The following NRXN3 variants were observed in gnomAD, a reference collection of about 807,000 sequenced individuals.
NRXN3 encodes neurexin III.
Under a neutral mutation model 137.6 loss-of-function variants are expected in NRXN3, and 32 were observed. That is an observed-to-expected ratio of 0.23 (90% CI 0.18 to 0.31). The LOEUF is 0.31. Among genes scored for constraint, NRXN3 ranks in the 10% least tolerant of loss-of-function variants. The pLI is 1.00. For missense variants in NRXN3, 1,574 were observed against 2,062.5 expected, an observed-to-expected ratio of 0.76 and a Z score of 4.59; for synonymous variants, 798 against 784.5, an observed-to-expected ratio of 1.02 and a Z score of -0.29.
chr14:78,202,157 A>G (rs1435352440), intron 1 of NRXN3, among the ~76,000 whole-genome samples: 1 of 152,158 alleles, frequency 6.6e-6, no homozygotes, highest in Non-Finnish European at 1.5e-5. Flanking sequence ...GAGAGAGCCA[A>G]GTGCCATCCT....
In NRXN3 at chr14:79,619,877, C is replaced by T. The variant is rs140004279; in HGVS notation, c.3445-43901C>T. ...AATCATGAGTGCCCATTTGAGTGGTCTGTGGGTTTTTAGAAGTTATTCACA... is the reference window on the plus strand; with the variant it reads ...AATCATGAGTGCCCATTTGAGTGGTTTGTGGGTTTTTAGAAGTTATTCACA... On this transcript the variant is annotated intron_variant, in intron 16 of 20. Transcript: ENST00000335750. Among the ~76,000 whole-genome samples the T allele has an allele frequency of 1.7e-4, 26 of 152,142 alleles. No homozygotes were observed. The East Asian group carries it at 4.6e-3, about 27-fold the overall frequency.
chr14:78,789,472 G>A (rs2098799028), intron 8 of NRXN3, among the ~76,000 whole-genome samples: 2 of 152,104 alleles, frequency 1.3e-5, no homozygotes, highest in Non-Finnish European at 1.5e-5. Context: ...ACAATACACA[G>A]GATAGCCTTT....
intron 1 of NRXN3, among the ~76,000 whole-genome samples, chr14:78,209,573 G>A (rs182426456): frequency 2.6e-5 from 4 of 152,278 alleles, no homozygotes; most frequent in African/African-American, 7.2e-5. Context: ...CATGGCATCA[G>A]GTAAGAGAGA....
intron 19 of NRXN3, among the ~76,000 whole-genome samples, chr14:79,733,674 G>GTT (rs57329051): frequency 1.0e-3 from 130 of 125,106 alleles, no homozygotes; most frequent in Middle Eastern, 4.7e-3. Flanking sequence ...TGCTGTTGTT[G>GTT]TTTTTTTTTT....
chr14:79,192,016 G>C (rs1299327109), intron 15 of NRXN3, among the ~76,000 whole-genome samples: 2 of 151,866 alleles, frequency 1.3e-5, no homozygotes, highest in East Asian at 3.9e-4. Context: ...AGTAAAACTT[G>C]GGTACTAAAG....
intron 4 of NRXN3, among the ~76,000 whole-genome samples, chr14:78,417,988 C>T (rs1238785260): frequency 6.6e-6 from 1 of 152,160 alleles, no homozygotes; most frequent in Non-Finnish European, 1.5e-5. Flanking sequence ...AACTCCTGAC[C>T]TCAGATGATC....
chr14:79,567,042 G>A (rs2097557330), intron 16 of NRXN3, among the ~76,000 whole-genome samples: 1 of 152,062 alleles, frequency 6.6e-6, no homozygotes, highest in African/African-American at 2.4e-5. Context: ...ATAATGATTT[G>A]CATATCATTA....
intron 15 of NRXN3, among the ~76,000 whole-genome samples, chr14:79,292,451 A>T (rs896559378): frequency 6.6e-6 from 1 of 152,192 alleles, no homozygotes. Context: ...TTAGGCAAGC[A>T]ACCAAACTTT....
intron 15 of NRXN3, among the ~76,000 whole-genome samples, chr14:79,226,726 C>T (rs972192258): frequency 1.3e-5 from 2 of 152,014 alleles, no homozygotes; most frequent in African/African-American, 2.4e-5. Flanking sequence ...ACTTTTTATA[C>T]CCAATGTGGA....
At chr14:78,225,756 C>A (rs1471618749) in intron 1 of NRXN3, among the ~76,000 whole-genome samples, 4 of 152,130 alleles carry the variant, frequency 2.6e-5, no homozygotes, top group Non-Finnish European at 5.9e-5. Context: ...ATCCCACTGT[C>A]TTTACTTGTG....
At chr14:79,685,248 C>T (rs533248784) in intron 17 of NRXN3, among the ~76,000 whole-genome samples, 2 of 152,236 alleles carry the variant, frequency 1.3e-5, no homozygotes, top group Admixed American at 1.3e-4. Context: ...TTAATTCTCA[C>T]CGCAATCCCA....
intron 14 of NRXN3, among the ~76,000 whole-genome samples, chr14:78,973,837 G>T (rs901988463): frequency 2.6e-5 from 4 of 152,128 alleles, no homozygotes; most frequent in Non-Finnish European, 5.9e-5. Context: ...AGTCCAAATT[G>T]TTAGAAGTAG....
chr14:78,624,845 T>C (rs1220751192), intron 4 of NRXN3, among the ~76,000 whole-genome samples: 2 of 151,458 alleles, frequency 1.3e-5, no homozygotes, highest in Non-Finnish European at 2.9e-5. Context: ...GTTTGTTTGT[T>C]TGTTTGTTTG....
rs893323739 is a variant in NRXN3, at chr14:78,959,728, G to A, written c.2395+2367G>A. 2.0e-5 allele frequency among the ~76,000 whole-genome samples: 3 copies of A among 152,226 alleles called. No individual in the cohort carries two copies. The South Asian group carries it at 6.2e-4, about 32-fold the overall frequency. ...TGTACAAATGGTTACACTATTTAGC[G>A]CCCGCAGCCAACCTGAATTAATTAT... On this transcript the variant is annotated intron_variant, in intron 11 of 20. Coordinates refer to ENST00000335750, the MANE Select transcript of NRXN3 (RefSeq NM_001330195.2).
intron 16 of NRXN3, among the ~76,000 whole-genome samples, chr14:79,516,167 T>G (rs1345766192): frequency 6.6e-6 from 1 of 152,206 alleles, no homozygotes; most frequent in Non-Finnish European, 1.5e-5. Context: ...GCGCTCCATC[T>G]AATGAATGTT....
intron 16 of NRXN3, among the ~76,000 whole-genome samples, chr14:79,489,454 C>G (rs892952909): frequency 6.6e-6 from 1 of 152,082 alleles, no homozygotes; most frequent in African/African-American, 2.4e-5. Context: ...AGGAAAAAAT[C>G]TTTGTGGAGT....
At chr14:78,815,379 A>T (rs2098928754) in intron 10 of NRXN3, among the ~76,000 whole-genome samples, 1 of 152,160 alleles carries the variant, frequency 6.6e-6, no homozygotes, top group South Asian at 2.1e-4. Context: ...ATGTATGAAA[A>T]TAACATCACA....
At chr14:78,330,069 T>C (rs1004482754) in intron 4 of NRXN3, among the ~76,000 whole-genome samples, 4 of 152,078 alleles carry the variant, frequency 2.6e-5, no homozygotes, top group Middle Eastern at 3.2e-3. Context: ...GGTTGCAGAG[T>C]TTGATTTCTT....
At chr14:79,260,830 C>A (rs1597990531) in intron 15 of NRXN3, among the ~76,000 whole-genome samples, 1 of 152,274 alleles carries the variant, frequency 6.6e-6, no homozygotes, top group East Asian at 1.9e-4. Flanking sequence ...ATGTCCTAGT[C>A]AAGAGATACT....
Sources: gnomAD v4.1 joint callset for allele counts (sites outside exome capture counted in the v4.1 genomes callset) on GRCh38, gnomAD v4.1.1 for gene constraint, MANE v1.5 for transcripts, NCBI Gene and HGNC (gene_info 2026-07-23, HGNC 2026-07-21) for gene names.